The following FER variants were observed in gnomAD, a reference collection of about 807,000 sequenced individuals.
FER encodes tyrosine-protein kinase Fer.
Under a neutral mutation model 111.0 loss-of-function variants are expected in FER, and 63 were observed. The observed-to-expected ratio is 0.57, with a 90% CI of 0.46 to 0.70. The LOEUF (loss-of-function observed/expected upper bound fraction) is 0.70, where lower values mean the gene tolerates loss of function less well. FER is among the 30% of genes least tolerant of loss of function. The probability of loss-of-function intolerance (pLI) is 0.00; values close to 1 mark genes in which losing one functional copy is unlikely to be tolerated. For synonymous variants in FER, 327 were observed against 313.9 expected (o/e 1.04, Z -0.44); for missense variants, 914 against 954.0 (o/e 0.96, Z 0.55).
intron 17 of FER, among the ~76,000 whole-genome samples, chr5:109,122,874 G>C (rs1463302086): frequency 1.3e-5 from 2 of 151,980 alleles, no homozygotes; most frequent in African/African-American, 4.8e-5. Context: ...TGTGATGTAA[G>C]TATAGCTACC....
At chr5:108,885,814 G>A (rs748943176) in intron 9 of FER, among the ~76,000 whole-genome samples, 27 of 151,814 alleles carry the variant, frequency 1.8e-4, no homozygotes, top group Admixed American at 3.3e-4. Flanking sequence ...CCCTGTAAAG[G>A]CGAGAACAGG....
chr5:109,034,732 C>T (rs1371735827), intron 13 of FER, among the ~76,000 whole-genome samples: 1 of 151,934 alleles, frequency 6.6e-6, no homozygotes, highest in African/African-American at 2.4e-5. Context: ...GTGGTTTGCA[C>T]TACAAGGATT....
At chr5:108,791,482 T>G (rs888665674) in intron 2 of FER, among the ~76,000 whole-genome samples, 2 of 151,792 alleles carry the variant, frequency 1.3e-5, no homozygotes, top group African/African-American at 4.8e-5. Context: ...TTCGTTTTTC[T>G]TATTATTGAG....
rs1040107322 is a variant in FER at position 108,953,222 on chromosome 5, A to G, written c.1330-1507A>G. ...GATTATGCGTTTGTTTTTAAAAGCAATATTCTTTTACCTCATAGTCGTGGG... is the reference window on the plus strand; with the variant it reads ...GATTATGCGTTTGTTTTTAAAAGCAGTATTCTTTTACCTCATAGTCGTGGG... On this transcript the variant is annotated intron_variant, in intron 11 of 19. Transcript: ENST00000281092. Among the ~76,000 whole-genome samples, 3 of 151,912 alleles carry G rather than the reference A, an allele frequency of 2.0e-5. No homozygotes were observed. In the East Asian group the frequency reaches 5.8e-4, roughly 29 times the overall value.
intron 17 of FER, among the ~76,000 whole-genome samples, chr5:109,178,302 T>A (rs1465884756): frequency 6.6e-6 from 1 of 152,264 alleles, no homozygotes; most frequent in African/African-American, 2.4e-5. Context: ...ATTGAAATTT[T>A]ATTTACACTG....
intron 3 of FER, among the ~76,000 whole-genome samples, chr5:108,811,548 A>G (rs1208271871): frequency 6.6e-6 from 1 of 152,216 alleles, no homozygotes; most frequent in Admixed American, 6.5e-5. Context: ...TATAGATGAC[A>G]GTAAAGTGAA....
At chr5:108,821,056 G>T (rs1309914787) in intron 3 of FER, among the ~76,000 whole-genome samples, 1 of 152,212 alleles carries the variant, frequency 6.6e-6, no homozygotes, top group Non-Finnish European at 1.5e-5. Context: ...AAAGTATAGT[G>T]AGCCAGGATT....
chr5:108,864,139 G>A (rs190455496), intron 5 of FER, among the ~76,000 whole-genome samples: 25 of 152,310 alleles, frequency 1.6e-4, no homozygotes, highest in African/African-American at 5.8e-4. Context: ...ATGTGCAAGA[G>A]CCAGTGAATG....
intron 5 of FER, among the ~76,000 whole-genome samples, chr5:108,858,199 C>T (rs761443708): frequency 4.5e-4 from 69 of 151,936 alleles, no homozygotes; most frequent in Middle Eastern, 3.2e-3. Flanking sequence ...ACAGTTTATT[C>T]CTCCTCTTCC....
rs188578096 is a variant in FER at position 108,893,257 on chromosome 5, G to C, written c.1047-4402G>C. Among the ~76,000 whole-genome samples, 5 of 151,848 alleles carry C rather than the reference G, an allele frequency of 3.3e-5. No individual in the cohort carries two copies. The East Asian group carries it at 9.7e-4, about 29-fold the overall frequency. On this transcript the variant is annotated intron_variant, in intron 9 of 19. Coordinates refer to ENST00000281092, the MANE Select transcript of FER (RefSeq NM_005246.4). ...GCATTGACTCTATAAATTACTTTGG[G>C]CAGTATGGCCATTTTCACGATATTG... is the stretch of plus-strand genomic sequence containing the variant.
At chr5:109,008,852 C>T (rs1339505719) in intron 13 of FER, among the ~76,000 whole-genome samples, 3 of 151,932 alleles carry the variant, frequency 2.0e-5, no homozygotes, top group Non-Finnish European at 4.4e-5. Context: ...TGCCTGTAAT[C>T]CCAGCTGCTC....
At chr5:108,897,886 G>C (rs1749384676) in intron 10 of FER, 38 bp downstream of exon 10, 1 of 1,525,876 alleles carries the variant, frequency 6.6e-7, no homozygotes, top group Admixed American at 2.0e-5. Context: ...ACTTGGAAGA[G>C]TAGTGTCTAG....
In FER at chr5:108,835,861, T is replaced by C. The variant is rs528166352; in HGVS notation, c.481+54T>C. On this transcript the variant is annotated intron_variant, in intron 5 of 19. Coordinates refer to ENST00000281092, the MANE Select transcript of FER (RefSeq NM_005246.4). ...TTAGGTGATTTTTATTCTTACTGTT[T>C]GAAAGTTATCTTTGTAAGTAGTGGA... 12 of 1,019,956 alleles carry C rather than the reference T, an allele frequency of 1.2e-5. No homozygotes were observed. The South Asian group carries it at 1.9e-4, about 16-fold the overall frequency. 63.2% of individuals were successfully genotyped at this position (1,019,956 alleles called of 1,614,324 possible). A position where few individuals can be genotyped will look rare whatever the true frequency, so the allele number is the denominator to read the frequency against.
chr5:109,187,093 G>A (rs1758961036), intron 19 of FER, among the ~76,000 whole-genome samples: 2 of 152,048 alleles, frequency 1.3e-5, no homozygotes, highest in South Asian at 2.1e-4. Flanking sequence ...TCTTCATCTT[G>A]AAAAACACAG....
chr5:108,955,403 G>A (rs1758307648), intron 12 of FER, among the ~76,000 whole-genome samples: 1 of 151,506 alleles, frequency 6.6e-6, no homozygotes, highest in South Asian at 2.1e-4. Flanking sequence ...TGGTTGAATT[G>A]GTTTTTATAG....
chr5:108,950,280 T>C (rs1437465781), intron 11 of FER, among the ~76,000 whole-genome samples: 1 of 152,186 alleles, frequency 6.6e-6, no homozygotes, highest in Non-Finnish European at 1.5e-5. Flanking sequence ...TAATTCTTTA[T>C]AGTTACTATC....
intron 13 of FER, among the ~76,000 whole-genome samples, chr5:108,967,385 G>C (rs532640708): frequency 2.0e-5 from 3 of 152,224 alleles, no homozygotes; most frequent in Non-Finnish European, 4.4e-5. Flanking sequence ...TCAGAATAGG[G>C]GAGTGTGTGC....
chr5:109,147,986 G>T (rs980439712), intron 17 of FER, among the ~76,000 whole-genome samples: 1 of 151,626 alleles, frequency 6.6e-6, no homozygotes, highest in East Asian at 1.9e-4. Flanking sequence ...ATTTATTTTT[G>T]AATTACATGT....
At chr5:108,786,502 G>A (rs1283543926) in intron 2 of FER, among the ~76,000 whole-genome samples, 4 of 152,008 alleles carry the variant, frequency 2.6e-5, no homozygotes, top group African/African-American at 9.7e-5. Context: ...TTTTTGTTTT[G>A]TGTTTTTTCT....
Sources: gnomAD v4.1 joint callset for allele counts (sites outside exome capture counted in the v4.1 genomes callset) on GRCh38, gnomAD v4.1.1 for gene constraint, MANE v1.5 for transcripts, NCBI Gene and HGNC (gene_info 2026-07-23, HGNC 2026-07-21) for gene names.